FGF7: variants seen among roughly 807,000 people sequenced by gnomAD.
FGF7 encodes fibroblast growth factor 7.
A neutral mutation model predicts 20.5 loss-of-function variants in FGF7; 6 were observed. The ratio of observed to expected loss-of-function variants is 0.29; its 90% confidence interval spans 0.16 to 0.58. FGF7 has a LOEUF of 0.58. Ranked by LOEUF, FGF7 falls within the 20% of genes least tolerant of loss-of-function variation. The pLI is 0.90. For synonymous variants in FGF7, 64 were observed against 74.7 expected (o/e 0.86, Z 0.74); for missense variants, 144 against 228.8 (o/e 0.63, Z 2.39).
intron 2 of FGF7, among the ~76,000 whole-genome samples, chr15:49,466,557 A>G (rs1243781254): frequency 3.9e-5 from 6 of 152,162 alleles, no homozygotes; most frequent in Non-Finnish European, 7.4e-5. Context: ...AAACTTTTGA[A>G]GCAGAAGAGT....
At chr15:49,469,969 G>T (rs1567338447) in intron 2 of FGF7, among the ~76,000 whole-genome samples, 1 of 152,110 alleles carries the variant, frequency 6.6e-6, no homozygotes, top group East Asian at 1.9e-4. Context: ...AGAGTTTAAT[G>T]ATTCCATCTT....
At position 49,470,313 on chromosome 15, in the gene FGF7, T is replaced by C. The variant is rs563855890; in HGVS notation, c.287-12838T>C. Among the ~76,000 whole-genome samples the C allele has an allele frequency of 5.9e-5, 9 of 152,270 alleles. No individual in the cohort carries two copies. The South Asian group carries it at 1.2e-3, about 21-fold the overall frequency. On this transcript the variant is annotated intron_variant, in intron 2 of 3. Transcript: ENST00000267843. ...AAAACACTATCATTATCACTATATT[T>C]TAAAAAGTCAGATATGAAATTTTTT...
At position 49,431,386 on chromosome 15, in the gene FGF7, T is replaced by C. The variant is rs1275544864; in HGVS notation, c.286+6803T>C. Among the ~76,000 whole-genome samples the C allele has an allele frequency of 4.0e-5, 6 of 151,814 alleles. No individual in the cohort carries two copies. The East Asian group carries it at 1.2e-3, about 29-fold the overall frequency. Reference sequence around the variant, plus strand: ...GTCAAATTCACTAACAAAAATGTCATTAAAGTTCCTTAACTATGTGTATGA... The same window carrying C: ...GTCAAATTCACTAACAAAAATGTCACTAAAGTTCCTTAACTATGTGTATGA... On this transcript the variant is annotated intron_variant, in intron 2 of 3. Transcript: ENST00000267843.
At chr15:49,431,648 G>T (rs1266898178) in intron 2 of FGF7, among the ~76,000 whole-genome samples, 1 of 151,652 alleles carries the variant, frequency 6.6e-6, no homozygotes, top group Non-Finnish European at 1.5e-5. Flanking sequence ...ACTTGATAGA[G>T]TCATTAGCTA....
At chr15:49,427,042 G>T (rs2050191810) in intron 2 of FGF7, among the ~76,000 whole-genome samples, 1 of 151,914 alleles carries the variant, frequency 6.6e-6, no homozygotes, top group South Asian at 2.1e-4. Context: ...GGTACAGAGG[G>T]AAATGCTACA....
intron 2 of FGF7, among the ~76,000 whole-genome samples, chr15:49,433,752 T>C (rs925933960): frequency 6.6e-6 from 1 of 151,710 alleles, no homozygotes; most frequent in African/African-American, 2.4e-5. Context: ...AGACCAATTC[T>C]AGAGGAGCTG....
At chr15:49,472,520 G>T (rs2054869505) in intron 2 of FGF7, among the ~76,000 whole-genome samples, 1 of 152,162 alleles carries the variant, frequency 6.6e-6, no homozygotes, top group East Asian at 1.9e-4. Context: ...ACTGGGAAAT[G>T]GAAAGTTTAT....
intron 2 of FGF7, among the ~76,000 whole-genome samples, chr15:49,426,561 G>T (rs1218694244): frequency 2.0e-5 from 3 of 150,548 alleles, no homozygotes; most frequent in Non-Finnish European, 2.9e-5. Flanking sequence ...ATTTTATTTT[G>T]TTTGTGTTAA....
chr15:49,436,313 G>A (rs1345520988), intron 2 of FGF7, among the ~76,000 whole-genome samples: 1 of 151,578 alleles, frequency 6.6e-6, no homozygotes, highest in African/African-American at 2.4e-5. Flanking sequence ...ATATTGCATA[G>A]TAGGTCTGAT....
intron 2 of FGF7, among the ~76,000 whole-genome samples, chr15:49,479,599 GTTTTTTT>G (rs56097665): frequency 1.6e-3 from 104 of 63,306 alleles, no homozygotes; most frequent in African/African-American, 5.7e-3. Flanking sequence ...TAATACCTCT[GTTTTTTT>G]TTTTTTTTTT....
At chr15:49,442,792 C>T (rs2051793755) in intron 2 of FGF7, among the ~76,000 whole-genome samples, 1 of 151,700 alleles carries the variant, frequency 6.6e-6, no homozygotes. Context: ...CAACCACTGG[C>T]TTTTCTTCTT....
At chr15:49,462,864 T>C (rs887086385) in intron 2 of FGF7, among the ~76,000 whole-genome samples, 35 of 151,692 alleles carry the variant, frequency 2.3e-4, no homozygotes, top group African/African-American at 8.3e-4. Flanking sequence ...GATATTACAT[T>C]CAAAATAAAT....
At chr15:49,432,340 T>C (rs2050690227) in intron 2 of FGF7, among the ~76,000 whole-genome samples, 1 of 151,686 alleles carries the variant, frequency 6.6e-6, no homozygotes, top group South Asian at 2.1e-4. Flanking sequence ...GCACAGCTTC[T>C]CTAACTAACC....
At chr15:49,468,733 A>ACATTGAAT (rs2054480502) in intron 2 of FGF7, among the ~76,000 whole-genome samples, 1 of 152,136 alleles carries the variant, frequency 6.6e-6, no homozygotes, top group African/African-American at 2.4e-5. Context: ...CCTAACTCAA[A>ACATTGAAT]CATTGAATCA....
At chr15:49,475,235 G>C (rs2055157132) in intron 2 of FGF7, among the ~76,000 whole-genome samples, 1 of 152,184 alleles carries the variant, frequency 6.6e-6, no homozygotes, top group African/African-American at 2.4e-5. Flanking sequence ...GTTACTGAAA[G>C]AACTCTTGGA....
chr15:49,471,505 T>C (rs1262226244), intron 2 of FGF7, among the ~76,000 whole-genome samples: 1 of 146,572 alleles, frequency 6.8e-6, no homozygotes, highest in Non-Finnish European at 1.5e-5. Flanking sequence ...ATAATAATAA[T>C]AATAATAATA....
In FGF7 at chr15:49,485,639, A is replaced by G. The variant is rs1292878664; in HGVS notation, c.*1135A>G. 6.6e-6 allele frequency: 1 copy of G among 152,504 alleles called. No individual in the cohort carries two copies. Among genetic ancestry groups the G allele is most frequent in the African/African-American group, 2.4e-5 (1 of 41,440 alleles). The allele number at this position is 152,504 out of a possible 1,614,324, so 9.4% of individuals were successfully genotyped here. A position where few individuals can be genotyped will look rare whatever the true frequency, so the allele number is the denominator to read the frequency against. On this transcript the variant is annotated 3_prime_UTR_variant, in exon 4 of 4. Transcript: ENST00000267843. Reference sequence around the variant, plus strand: ...ATCCTGGAAGGCAGACAAAAATAAGAGCCTGAAGCAATGCTTACAATAGAT... The same window carrying G: ...ATCCTGGAAGGCAGACAAAAATAAGGGCCTGAAGCAATGCTTACAATAGAT...
At chr15:49,429,804 A>G (rs572117080) in intron 2 of FGF7, among the ~76,000 whole-genome samples, 1 of 152,032 alleles carries the variant, frequency 6.6e-6, no homozygotes, top group East Asian at 1.9e-4. Context: ...CACTGGACTA[A>G]GGGGATCACA....
rs147759691 is a variant in FGF7 at position 49,470,141 on chromosome 15, A to C, written c.287-13010A>C. Among the ~76,000 whole-genome samples, 146 of 152,292 alleles carry C rather than the reference A, an allele frequency of 9.6e-4. 1 individual carries two copies. Among genetic ancestry groups the C allele is most frequent in the African/African-American group, 3.5e-3 (145 of 41,576 alleles). ...ACGGTATTATGATCAAAGCGTGGAA[A>C]ATGATGGAATTCTAAAATGTTACTG... On this transcript the variant is annotated intron_variant, in intron 2 of 3. Transcript: ENST00000267843.
Sources: allele counts gnomAD v4.1 joint callset (sites outside exome capture counted in the v4.1 genomes callset), GRCh38; gene constraint gnomAD v4.1.1; transcripts MANE v1.5; gene names NCBI Gene and HGNC (gene_info 2026-07-23, HGNC 2026-07-21).